The following HERPUD2 variants were observed in gnomAD, a reference collection of about 807,000 sequenced individuals.
HERPUD2 encodes the protein HERPUD family member 2.
HERPUD2 carries 13 observed loss-of-function variants against 49.9 expected under a neutral mutation model. The ratio of observed to expected loss-of-function variants is 0.26; its 90% CI spans 0.17 to 0.41. The LOEUF (loss-of-function observed/expected upper bound fraction) is 0.41. Ranked by LOEUF, HERPUD2 falls within the 10% of genes least tolerant of loss-of-function variation. The probability of loss-of-function intolerance (pLI) is 1.00; values close to 1 mark genes in which losing one functional copy is unlikely to be tolerated. For missense variants in HERPUD2, 449 were observed against 492.2 expected (o/e 0.91, Z 0.83); for synonymous variants, 172 against 171.4 (o/e 1.00, Z -0.03).
chr7:35,634,361 T>G lies in HERPUD2; in HGVS notation c.1010A>C (p.Glu337Ala). ...TGCATTTTGCCCATCATTGTTAACT[T>G]CGGCATTATTGTTGGGAGCCTGCTG... ...GHQQAPNNNA[E>A]VNNDGQNANN... Residue 337 changes from glutamate (E) to alanine (A), a missense_variant, in exon 8 of 9, where the codon GAA becomes GCA. Coordinates refer to ENST00000311350, the MANE Select transcript of HERPUD2 (RefSeq NM_022373.5). 1.9e-6 allele frequency: 3 copies of G among 1,614,036 alleles called. No homozygotes were observed. The highest frequency in any genetic ancestry group is 2.5e-6 in the Non-Finnish European group (3 of 1,179,918).
At chr7:35,641,538 A>G (rs1784967490) in intron 5 of HERPUD2, among the ~76,000 whole-genome samples, 1 of 152,206 alleles carries the variant, frequency 6.6e-6, no homozygotes, top group South Asian at 2.1e-4. Context: ...CAAAAGGAAG[A>G]AAGATGGAGG....
intron 5 of HERPUD2, among the ~76,000 whole-genome samples, chr7:35,640,498 G>A (rs1199209209): frequency 6.6e-6 from 1 of 152,194 alleles, no homozygotes; most frequent in Non-Finnish European, 1.5e-5. Flanking sequence ...AATATAAGGT[G>A]ATTGTTGAAA....
chr7:35,682,478 G>A (rs1457415897), intron 2 of HERPUD2, among the ~76,000 whole-genome samples: 1 of 150,232 alleles, frequency 6.7e-6, no homozygotes, highest in Non-Finnish European at 1.5e-5. Context: ...GGGAAAAGTT[G>A]AAAACATTCC....
chr7:35,634,994 T>C (rs1216346404), intron 7 of HERPUD2, 141 bp downstream of exon 7: 4 of 621,594 alleles, frequency 6.4e-6, no homozygotes. Flanking sequence ...CCCTTGCTTT[T>C]GGCATCAAAA....
intron 6 of HERPUD2, among the ~76,000 whole-genome samples, chr7:35,637,389 A>C (rs1278384760): frequency 2.6e-5 from 4 of 152,238 alleles, no homozygotes; most frequent in South Asian, 4.1e-4. Flanking sequence ...GAATAACAGA[A>C]GCCAGAATCA....
intron 2 of HERPUD2, among the ~76,000 whole-genome samples, chr7:35,675,350 T>C (rs1339717481): frequency 6.6e-6 from 1 of 152,202 alleles, no homozygotes; most frequent in African/African-American, 2.4e-5. Flanking sequence ...GCAAACTATA[T>C]GACCATAAGT....
chr7:35,671,042 T>C (rs899975719), intron 3 of HERPUD2, among the ~76,000 whole-genome samples: 1 of 151,956 alleles, frequency 6.6e-6, no homozygotes, highest in Non-Finnish European at 1.5e-5. Flanking sequence ...CAATGAAGGA[T>C]GAGTCAGCTA....
intron 5 of HERPUD2, among the ~76,000 whole-genome samples, chr7:35,652,972 C>T (rs1382764096): frequency 6.6e-6 from 1 of 151,810 alleles, no homozygotes; most frequent in Non-Finnish European, 1.5e-5. Flanking sequence ...GTCACCACTA[C>T]AGAAAACCAC....
chr7:35,685,527 T>C (rs1786019307), intron 2 of HERPUD2, among the ~76,000 whole-genome samples: 3 of 151,770 alleles, frequency 2.0e-5, no homozygotes, highest in Admixed American at 1.3e-4. Context: ...GGTTTCTCCA[T>C]GTTGACCAGG....
intron 5 of HERPUD2, among the ~76,000 whole-genome samples, chr7:35,667,089 T>C (rs1269996877): frequency 6.6e-6 from 1 of 152,166 alleles, no homozygotes; most frequent in East Asian, 1.9e-4. Flanking sequence ...ATTCAAAGTG[T>C]AGTCCAAACA....
At chr7:35,675,612 C>T (rs1785744744) in intron 2 of HERPUD2, among the ~76,000 whole-genome samples, 1 of 152,112 alleles carries the variant, frequency 6.6e-6, no homozygotes, top group African/African-American at 2.4e-5. Flanking sequence ...AATTATCAAA[C>T]ATACATACAG....
At chr7:35,677,631 C>T (rs74301271) in intron 2 of HERPUD2, among the ~76,000 whole-genome samples, 6,574 of 152,148 alleles carry the variant, frequency 0.043, 218 homozygotes, top group East Asian at 0.19. Flanking sequence ...ATAGCTAGAA[C>T]GGAAATGGGA....
At chr7:35,661,823 G>T (rs1354656568) in intron 5 of HERPUD2, among the ~76,000 whole-genome samples, 1 of 152,208 alleles carries the variant, frequency 6.6e-6, no homozygotes, top group South Asian at 2.1e-4. Context: ...TCTGCAAACA[G>T]GGACAATTTG....
intron 2 of HERPUD2, among the ~76,000 whole-genome samples, chr7:35,685,085 A>G: frequency 6.6e-6 from 1 of 151,872 alleles, no homozygotes. Context: ...TACAAAATAT[A>G]CTAAAGTTAG....
At chr7:35,691,895 TAAACTTACTAAATCTAGTAACTATA>T (rs11272970) in intron 2 of HERPUD2, among the ~76,000 whole-genome samples, 3,291 of 152,270 alleles carry the variant, frequency 0.022, 120 homozygotes, top group African/African-American at 0.074. Flanking sequence ...GATAAGAATG[TAAACTTACTAAATCTAGTAACTATA>T]CAAAGTTTTC....
intron 5 of HERPUD2, among the ~76,000 whole-genome samples, chr7:35,661,558 G>T (rs1785422757): frequency 6.6e-6 from 1 of 152,114 alleles, no homozygotes; most frequent in East Asian, 1.9e-4. Context: ...GCTGAGCAGT[G>T]GTTTGTAGTT....
chr7:35,672,177 T>G (rs1489883081), intron 3 of HERPUD2, among the ~76,000 whole-genome samples: 2 of 151,896 alleles, frequency 1.3e-5, no homozygotes. Flanking sequence ...TGGGGCAGGC[T>G]GTGCCTATGT....
intron 5 of HERPUD2, among the ~76,000 whole-genome samples, chr7:35,639,015 T>C (rs1784921535): frequency 6.6e-6 from 1 of 151,880 alleles, no homozygotes; most frequent in Non-Finnish European, 1.5e-5. Context: ...ATTCTTAAAG[T>C]AGGTTAAAAT....
intron 5 of HERPUD2, among the ~76,000 whole-genome samples, chr7:35,648,887 C>A (rs377528611): frequency 6.6e-6 from 1 of 152,198 alleles, no homozygotes; most frequent in African/African-American, 2.4e-5. Flanking sequence ...CTAACTAATA[C>A]GCTCTCCATC....
Sources: allele counts gnomAD v4.1 joint callset (sites outside exome capture counted in the v4.1 genomes callset), GRCh38; gene constraint gnomAD v4.1.1; transcripts MANE v1.5; gene names NCBI Gene and HGNC (gene_info 2026-07-23, HGNC 2026-07-21).